DGKB: variants seen among roughly 807,000 people sequenced by gnomAD.
DGKB encodes diacylglycerol kinase beta, also known as 90 kDa diacylglycerol kinase.
A neutral mutation model predicts 114.3 loss-of-function variants in DGKB; 67 were observed. The observed-to-expected ratio is 0.59, with a 90% CI of 0.48 to 0.72. DGKB has a LOEUF of 0.72. Among genes scored for constraint, DGKB ranks in the 30% least tolerant of loss-of-function variants. The probability of loss-of-function intolerance (pLI) is 0.00; values close to 1 mark genes in which losing one functional copy is unlikely to be tolerated. For missense variants in DGKB, 907 were observed against 975.2 expected (o/e 0.93, Z 0.93); for synonymous variants, 398 against 323.1 (o/e 1.23, Z -2.49).
intron 21 of DGKB, among the ~76,000 whole-genome samples, chr7:14,447,850 C>T (rs977627055): frequency 1.4e-4 from 21 of 152,050 alleles, no homozygotes; most frequent in African/African-American, 4.3e-4. Context: ...TCGGGAAATC[C>T]TAATTTCCGC....
chr7:14,498,955 T>G (rs1334342394), intron 20 of DGKB, among the ~76,000 whole-genome samples: 1 of 151,578 alleles, frequency 6.6e-6, no homozygotes, highest in South Asian at 2.1e-4. Context: ...TGTGTAAACA[T>G]GAAGGATTTT....
At chr7:14,959,098 G>C (rs1327735247) in intron 1 of DGKB, among the ~76,000 whole-genome samples, 2 of 152,012 alleles carry the variant, frequency 1.3e-5, no homozygotes, top group Non-Finnish European at 2.9e-5. Context: ...AGGACAGTTG[G>C]ATAAAGCGTG....
At chr7:14,156,801 T>A (rs1366539103) in intron 25 of DGKB, among the ~76,000 whole-genome samples, 1 of 152,188 alleles carries the variant, frequency 6.6e-6, no homozygotes, top group Non-Finnish European at 1.5e-5. Context: ...CTTTGGCGTA[T>A]CTTTATTATA....
chr7:14,297,368 G>A (rs985450937), intron 23 of DGKB, among the ~76,000 whole-genome samples: 1 of 152,128 alleles, frequency 6.6e-6, no homozygotes, highest in African/African-American at 2.4e-5. Flanking sequence ...AGTCAAGTCA[G>A]TTGCATCCCT....
rs549576695 is a variant in DGKB at position 14,409,094 on chromosome 7, G to A, written c.1836-63703C>T. On this transcript the variant is annotated intron_variant, in intron 21 of 25. Coordinates refer to ENST00000402815, the MANE Select transcript of DGKB (RefSeq NM_001350709.2). ...AAACATAAAGATCCAGTAGCAAATC[G>A]GACTTGCATAAAATTAACTGTAGTA... Among the ~76,000 whole-genome samples the A allele has an allele frequency of 1.2e-4, 18 of 152,152 alleles. No homozygotes were observed. The South Asian group carries it at 3.5e-3, about 30-fold the overall frequency.
intron 21 of DGKB, among the ~76,000 whole-genome samples, chr7:14,418,352 CACAT>C (rs1826084159): frequency 7.9e-6 from 1 of 126,972 alleles, no homozygotes; most frequent in Non-Finnish European, 1.6e-5. Flanking sequence ...CACATATATT[CACAT>C]ATATATGTGT....
intron 12 of DGKB, among the ~76,000 whole-genome samples, chr7:14,677,250 G>A (rs1820028739): frequency 6.6e-6 from 1 of 151,860 alleles, no homozygotes; most frequent in African/African-American, 2.4e-5. Flanking sequence ...GATCTGAGAA[G>A]TCAAAAGGAG....
At chr7:14,161,355 G>T (rs1783856857) in intron 25 of DGKB, among the ~76,000 whole-genome samples, 1 of 152,138 alleles carries the variant, frequency 6.6e-6, no homozygotes, top group African/African-American at 2.4e-5. Flanking sequence ...TATAAAGACA[G>T]ATGCACCTGT....
chr7:14,343,432 C>T (rs1811954872), intron 22 of DGKB, among the ~76,000 whole-genome samples: 1 of 151,724 alleles, frequency 6.6e-6, no homozygotes, highest in Non-Finnish European at 1.5e-5. Flanking sequence ...ATCAAAACCA[C>T]TTAATTTTAT....
intron 5 of DGKB, among the ~76,000 whole-genome samples, chr7:14,726,471 G>T (rs1367186558): frequency 1.3e-5 from 2 of 152,114 alleles, no homozygotes; most frequent in African/African-American, 4.8e-5. Context: ...ATTCTGTGAG[G>T]CTGGACAGAG....
intron 23 of DGKB, among the ~76,000 whole-genome samples, chr7:14,218,344 C>A (rs1789339489): frequency 6.6e-6 from 1 of 152,098 alleles, no homozygotes; most frequent in Admixed American, 6.6e-5. Context: ...AAAGGAGATA[C>A]ATCTTGATCA....
chr7:14,748,953 G>C (rs553663748), intron 4 of DGKB, among the ~76,000 whole-genome samples: 10 of 151,944 alleles, frequency 6.6e-5, no homozygotes, highest in Non-Finnish European at 1.2e-4. Context: ...AATACTATGC[G>C]CTTACTGGGC....
chr7:14,961,205 G>T (rs920001359), intron 1 of DGKB, among the ~76,000 whole-genome samples: 1 of 151,858 alleles, frequency 6.6e-6, no homozygotes, highest in East Asian at 1.9e-4. Flanking sequence ...GCATTTTATT[G>T]TATTTGTTTT....
At position 14,280,179 on chromosome 7, in the gene DGKB, C is replaced by T. The variant is rs554484249; in HGVS notation, c.2122+58336G>A. Among the ~76,000 whole-genome samples, 291 of 152,032 alleles carry T rather than the reference C, an allele frequency of 1.9e-3. 4 individuals are homozygous for T. Among genetic ancestry groups the T allele is most frequent in the Admixed American group, 0.016 (248 of 15,280 alleles). ...GAAGTGCTTAAAGGAGCTGATGGAG[C>T]TGAAAACCAAGGCTCGAGAACTACG... is the stretch of plus-strand genomic sequence containing the variant. On this transcript the variant is annotated intron_variant, in intron 23 of 25. Transcript: ENST00000402815.
chr7:14,733,495 T>TGG (rs902408589), intron 5 of DGKB, among the ~76,000 whole-genome samples: 2 of 152,094 alleles, frequency 1.3e-5, no homozygotes, highest in African/African-American at 4.8e-5. Flanking sequence ...GAGACCAGCC[T>TGG]GGTCAACATG....
chr7:14,569,537 C>A (rs1275241710), intron 20 of DGKB, among the ~76,000 whole-genome samples: 5 of 152,054 alleles, frequency 3.3e-5, no homozygotes, highest in Admixed American at 6.6e-5. Flanking sequence ...TCTGCCATTT[C>A]CTCAGTGAAT....
chr7:14,332,365 G>A (rs1809882485), intron 23 of DGKB, among the ~76,000 whole-genome samples: 1 of 151,980 alleles, frequency 6.6e-6, no homozygotes, highest in South Asian at 2.1e-4. Context: ...CCTGCACCAA[G>A]AACCACGAAC....
intron 1 of DGKB, among the ~76,000 whole-genome samples, chr7:14,963,671 C>A (rs1379040952): frequency 6.6e-6 from 1 of 152,132 alleles, no homozygotes; most frequent in Non-Finnish European, 1.5e-5. Flanking sequence ...GTTTGATACG[C>A]TAGGGAGTGA....
chr7:14,544,474 A>C (rs942607121), intron 20 of DGKB, among the ~76,000 whole-genome samples: 3 of 152,214 alleles, frequency 2.0e-5, no homozygotes, highest in African/African-American at 7.2e-5. Flanking sequence ...ATAGAAATTT[A>C]AATCTCATTT....
Sources: allele counts gnomAD v4.1 joint callset (sites outside exome capture counted in the v4.1 genomes callset), GRCh38; gene constraint gnomAD v4.1.1; transcripts MANE v1.5; gene names NCBI Gene and HGNC (gene_info 2026-07-23, HGNC 2026-07-21).